ACTR3C: variants seen among roughly 807,000 people sequenced by gnomAD.
The protein encoded by ACTR3C is actin-related protein 3C.
Under a neutral mutation model 26.3 loss-of-function variants are expected in ACTR3C, and 18 were observed. The observed-to-expected ratio is 0.68, with a 90% CI of 0.47 to 1.01. The LOEUF is 1.01. ACTR3C is among the 50% of genes least tolerant of loss of function. ACTR3C has a pLI of 0.00. For missense variants in ACTR3C, 184 were observed against 250.7 expected, an observed-to-expected ratio of 0.73 and a Z score of 1.80; for synonymous variants, 55 against 94.5, an observed-to-expected ratio of 0.58 and a Z score of 2.42.
the ACTR3C span, among the ~76,000 whole-genome samples, chr7:150,116,618 T>C: frequency 2.0e-5 from 3 of 152,166 alleles, no homozygotes; most frequent in South Asian, 6.2e-4. Flanking sequence ...GACCTAAGAA[T>C]TGAGATAAAT....
At chr7:150,130,311 T>C in the ACTR3C span, among the ~76,000 whole-genome samples, 3 of 152,142 alleles carry the variant, frequency 2.0e-5, no homozygotes, top group East Asian at 5.8e-4. Flanking sequence ...AAGAAAAAAA[T>C]TGATAAATTA....
At chr7:150,292,588 T>C (rs928607909) in intron 3 of ACTR3C, among the ~76,000 whole-genome samples, 1 of 150,068 alleles carries the variant, frequency 6.7e-6, no homozygotes, top group Admixed American at 6.6e-5. Flanking sequence ...GCAACCTCCA[T>C]CTCCCGGGTT....
At chr7:150,103,681 T>C in the ACTR3C span, among the ~76,000 whole-genome samples, 23,911 of 151,816 alleles carry the variant, frequency 0.16, 2,270 homozygotes, top group African/African-American at 0.23. Context: ...ATTTTTTAAA[T>C]TCAGAGACAA....
the ACTR3C span, among the ~76,000 whole-genome samples, chr7:149,910,467 G>GC: frequency 6.6e-6 from 1 of 151,984 alleles, no homozygotes; most frequent in African/African-American, 2.4e-5. Flanking sequence ...ATAAAAGGGG[G>GC]GGTGGTGGGA....
the ACTR3C span, among the ~76,000 whole-genome samples, chr7:150,144,704 T>G: frequency 8.6e-5 from 13 of 152,010 alleles, no homozygotes; most frequent in Non-Finnish European, 1.5e-4. The surrounding 1 kb of genome is among the most constrained non-coding windows in gnomAD (Gnocchi z 4.6). Flanking sequence ...AGAATCGAAG[T>G]TTACTCTGTT....
At chr7:150,299,802 G>C (rs936298128) in intron 1 of ACTR3C, among the ~76,000 whole-genome samples, 3 of 151,844 alleles carry the variant, frequency 2.0e-5, no homozygotes, top group Non-Finnish European at 4.4e-5. Context: ...AAAAAACAAG[G>C]TCGGGGGAGA....
the ACTR3C span, among the ~76,000 whole-genome samples, chr7:150,033,755 G>C: frequency 4.7e-5 from 7 of 148,896 alleles, no homozygotes; most frequent in Admixed American, 1.3e-4. Flanking sequence ...CCACCCTCGT[G>C]GGGGGTGCTT....
At chr7:149,962,732 T>C in the ACTR3C span, among the ~76,000 whole-genome samples, 1 of 152,142 alleles carries the variant, frequency 6.6e-6, no homozygotes, top group Admixed American at 6.5e-5. Context: ...GCTGGAAAGA[T>C]GAGTCTCAGC....
In ACTR3C at chr7:150,292,332, CA is replaced by C. The variant is rs929531790; in HGVS notation, c.153+979del. ...CTTCAGACACTTCTGATACATTTTC[CA>C]AAAAAAATGAATTTAAGATAATTCC... On this transcript the variant is annotated intron_variant, in intron 3 of 7. Transcript: ENST00000683684. 5.3e-5 allele frequency among the ~76,000 whole-genome samples: 8 copies of C among 151,380 alleles called. No homozygotes were observed. In the East Asian group the frequency reaches 1.2e-3, roughly 22 times the overall value.
the ACTR3C span, among the ~76,000 whole-genome samples, chr7:149,939,812 A>G: frequency 2.0e-5 from 3 of 148,516 alleles, no homozygotes; most frequent in African/African-American, 7.4e-5. Context: ...AGAAATGTTC[A>G]GAATAACCAA....
chr7:149,951,357 A>G, the ACTR3C span, among the ~76,000 whole-genome samples: 1 of 146,552 alleles, frequency 6.8e-6, no homozygotes, highest in African/African-American at 2.8e-5. Context: ...CAAATGCATT[A>G]TCTTCCAGTT....
At chr7:150,227,511 C>T in the ACTR3C span, among the ~76,000 whole-genome samples, 2 of 151,316 alleles carry the variant, frequency 1.3e-5, no homozygotes, top group Middle Eastern at 3.4e-3. Flanking sequence ...TATTGTACAA[C>T]GTATGAATTT....
chr7:150,304,093 G>A (rs1795631384), intron 1 of ACTR3C, among the ~76,000 whole-genome samples: 1 of 152,238 alleles, frequency 6.6e-6, no homozygotes, highest in Non-Finnish European at 1.5e-5. Flanking sequence ...AAGGAAGCGA[G>A]AATAGGAGAG....
At chr7:150,008,224 T>C in the ACTR3C span, among the ~76,000 whole-genome samples, 1 of 152,226 alleles carries the variant, frequency 6.6e-6, no homozygotes, top group African/African-American at 2.4e-5. Flanking sequence ...TTCTGTGACA[T>C]AGATTCTGAA....
the ACTR3C span, among the ~76,000 whole-genome samples, chr7:150,118,699 G>A: frequency 7.0e-6 from 1 of 142,342 alleles, no homozygotes; most frequent in East Asian, 2.0e-4. Context: ...AACCTAGCAA[G>A]GCAGGCCAAC....
chr7:149,935,961 C>A, the ACTR3C span, among the ~76,000 whole-genome samples: 1 of 152,260 alleles, frequency 6.6e-6, no homozygotes, highest in Admixed American at 6.5e-5. Flanking sequence ...ATTGTAGGCA[C>A]TTAGTTATGC....
At chr7:150,038,938 G>A in the ACTR3C span, among the ~76,000 whole-genome samples, 30 of 97,758 alleles carry the variant, frequency 3.1e-4, 7 homozygotes, top group South Asian at 1.6e-3. Flanking sequence ...AGAGGGGATA[G>A]CTCTCAGTCC....
At chr7:149,976,688 A>G in the ACTR3C span, among the ~76,000 whole-genome samples, 1 of 152,058 alleles carries the variant, frequency 6.6e-6, no homozygotes, top group Non-Finnish European at 1.5e-5. Context: ...TATAAAGTGT[A>G]AAAAACACAT....
At chr7:149,989,692 G>A in the ACTR3C span, among the ~76,000 whole-genome samples, 1 of 152,154 alleles carries the variant, frequency 6.6e-6, no homozygotes, top group African/African-American at 2.4e-5. Context: ...GATGAGCACA[G>A]GGAATGTTTC....
Sources: allele counts gnomAD v4.1 joint callset (sites outside exome capture counted in the v4.1 genomes callset), GRCh38; gene constraint gnomAD v4.1.1; non-coding constraint Gnocchi (gnomAD v3.1); transcripts MANE v1.5; gene names NCBI Gene and HGNC (gene_info 2026-07-23, HGNC 2026-07-21).